The following ZNF385B variants were observed in gnomAD, a reference collection of about 807,000 sequenced individuals.
ZNF385B encodes the protein zinc finger protein 533.
ZNF385B carries 23 observed loss-of-function variants against 39.2 expected under a neutral mutation model. The observed-to-expected ratio is 0.59, with a 90% confidence interval of 0.42 to 0.83. The LOEUF is 0.83. Ranked by LOEUF, ZNF385B falls within the 40% of genes least tolerant of loss-of-function variation. The pLI is 0.00. For synonymous variants in ZNF385B, 205 were observed against 222.6 expected, an observed-to-expected ratio of 0.92 and a Z score of 0.70; for missense variants, 552 against 598.9, an observed-to-expected ratio of 0.92 and a Z score of 0.82.
chr2:179,791,018 TC>T (rs1705293612), intron 1 of ZNF385B, among the ~76,000 whole-genome samples: 1 of 152,218 alleles, frequency 6.6e-6, no homozygotes, highest in Admixed American at 6.5e-5. Context: ...CAACAAGTGC[TC>T]CTGTCAGTTC....
intron 3 of ZNF385B, among the ~76,000 whole-genome samples, chr2:179,682,874 G>T (rs947688086): frequency 6.6e-6 from 1 of 152,150 alleles, no homozygotes; most frequent in East Asian, 1.9e-4. Flanking sequence ...GTAGGTTAAG[G>T]GTTCCTGGTC....
chr2:179,623,297 A>C (rs2106167106), intron 3 of ZNF385B, among the ~76,000 whole-genome samples: 1 of 152,108 alleles, frequency 6.6e-6, no homozygotes, highest in Middle Eastern at 3.4e-3. Flanking sequence ...CTGGATTCCC[A>C]GAATTTAAAC....
At chr2:179,608,994 A>G (rs944272131) in intron 3 of ZNF385B, among the ~76,000 whole-genome samples, 1 of 152,060 alleles carries the variant, frequency 6.6e-6, no homozygotes, top group African/African-American at 2.4e-5. Context: ...ATATTTTGAT[A>G]TAGAAATATA....
chr2:179,769,435 ATCCT>A (rs2106503299), intron 3 of ZNF385B, 64 bp downstream of exon 3: 1 of 1,588,048 alleles, frequency 6.3e-7, no homozygotes, highest in Non-Finnish European at 8.6e-7. Context: ...CTTGTTCTAA[ATCCT>A]TCATTTTCCA....
At chr2:179,631,482 T>C (rs1380540152) in intron 3 of ZNF385B, among the ~76,000 whole-genome samples, 2 of 152,136 alleles carry the variant, frequency 1.3e-5, no homozygotes, top group Non-Finnish European at 2.9e-5. Context: ...AGAGATTCTG[T>C]CACCACCAGG....
chr2:179,763,386 G>C (rs1703512847), intron 3 of ZNF385B, among the ~76,000 whole-genome samples: 1 of 151,930 alleles, frequency 6.6e-6, no homozygotes, highest in Non-Finnish European at 1.5e-5. Flanking sequence ...CTTTCTTCTT[G>C]TACTCATCAG....
intron 1 of ZNF385B, among the ~76,000 whole-genome samples, chr2:179,825,549 C>A (rs1707633701): frequency 6.6e-6 from 1 of 152,104 alleles, no homozygotes; most frequent in Admixed American, 6.6e-5. Context: ...AGTTTAAAGG[C>A]AAGATTTAAA....
intron 1 of ZNF385B, among the ~76,000 whole-genome samples, chr2:179,840,693 A>G (rs894757905): frequency 4.6e-5 from 7 of 152,178 alleles, no homozygotes; most frequent in African/African-American, 1.7e-4. Flanking sequence ...TTGCTTCCTT[A>G]CCTCCCATAA....
chr2:179,543,665 CT>C (rs796735240), intron 4 of ZNF385B, among the ~76,000 whole-genome samples: 184 of 146,248 alleles, frequency 1.3e-3, no homozygotes, highest in African/African-American at 1.8e-3. Flanking sequence ...CCTTTTGTAA[CT>C]TTTTTTTTTT....
At chr2:179,736,108 T>A (rs1391788150) in intron 3 of ZNF385B, among the ~76,000 whole-genome samples, 1 of 151,958 alleles carries the variant, frequency 6.6e-6, no homozygotes, top group East Asian at 1.9e-4. Context: ...AAAAGAAAAA[T>A]AAATACCTTG....
chr2:179,538,151 A>G (rs1240414667), intron 4 of ZNF385B, among the ~76,000 whole-genome samples: 2 of 152,174 alleles, frequency 1.3e-5, no homozygotes, highest in Non-Finnish European at 1.5e-5. Flanking sequence ...TCAGTTGGAC[A>G]TACTAGTATC....
intron 3 of ZNF385B, among the ~76,000 whole-genome samples, chr2:179,548,339 C>T (rs1574735863): frequency 6.7e-6 from 1 of 149,620 alleles, no homozygotes; most frequent in East Asian, 1.9e-4. Context: ...TAGTGTATAA[C>T]TTTCATGTAG....
Position 179,590,406 on chromosome 2 carries a change from C to T in ZNF385B, c.299-45437G>A, listed in dbSNP as rs1247781935. On this transcript the variant is annotated intron_variant, in intron 3 of 9. Transcript: ENST00000410066. ...GGTACTTCTACCTGCGCCATTTTGC[C>T]TATTTTACCTGTGACTGTTGTTACC... 1.5e-4 allele frequency among the ~76,000 whole-genome samples: 23 copies of T among 152,150 alleles called. 1 individual carries two copies. Among genetic ancestry groups the T allele is most frequent in the Admixed American group, 1.5e-3 (23 of 15,278 alleles).
intron 4 of ZNF385B, among the ~76,000 whole-genome samples, chr2:179,538,601 T>C (rs2059729481): frequency 6.6e-6 from 1 of 152,210 alleles, no homozygotes; most frequent in African/African-American, 2.4e-5. Flanking sequence ...ATGGTAATCA[T>C]ATAAATCATT....
intron 3 of ZNF385B, among the ~76,000 whole-genome samples, chr2:179,685,270 T>A (rs1029748542): frequency 6.6e-6 from 1 of 152,184 alleles, no homozygotes; most frequent in Non-Finnish European, 1.5e-5. Context: ...GCAAAACCCA[T>A]AACTCTACTA....
At chr2:179,711,096 T>G (rs774706099) in intron 3 of ZNF385B, among the ~76,000 whole-genome samples, 3 of 152,188 alleles carry the variant, frequency 2.0e-5, no homozygotes, top group Admixed American at 2.0e-4. Context: ...TGCACCATTC[T>G]TAGCAAAATC....
At chr2:179,838,345 A>C (rs1708362838) in intron 1 of ZNF385B, among the ~76,000 whole-genome samples, 1 of 152,250 alleles carries the variant, frequency 6.6e-6, no homozygotes. Context: ...CAACGCTAGT[A>C]CTTCAGTTTG....
rs1705021516 is a variant in ZNF385B, at chr2:179,786,632, C to T, written c.-154-15960G>A. ...CCTTCAGATGTAAGAGGCTTAGGGA[C>T]CACCTAAAACCACTTCATCTTCCCT... On this transcript the variant is annotated intron_variant, in intron 1 of 9. Coordinates refer to ENST00000410066, the MANE Select transcript of ZNF385B (RefSeq NM_152520.6). 2.0e-5 allele frequency among the ~76,000 whole-genome samples: 3 copies of T among 151,880 alleles called. No homozygotes were observed. In the South Asian group the frequency reaches 6.2e-4, roughly 32 times the overall value.
chr2:179,855,876 A>T (rs983606428), intron 1 of ZNF385B, among the ~76,000 whole-genome samples: 2 of 152,208 alleles, frequency 1.3e-5, no homozygotes, highest in Non-Finnish European at 2.9e-5. Context: ...TTCACAGATG[A>T]AGAAATTGAA....
Sources: allele counts gnomAD v4.1 joint callset (sites outside exome capture counted in the v4.1 genomes callset), GRCh38; gene constraint gnomAD v4.1.1; transcripts MANE v1.5; gene names NCBI Gene and HGNC (gene_info 2026-07-23, HGNC 2026-07-21).